Variants in TCOF1 observed in about 807,000 individuals in gnomAD.
TCOF1 encodes the protein treacle ribosome biogenesis factor 1, also known as treacle protein.
Under a neutral mutation model 149.0 loss-of-function variants are expected in TCOF1, and 33 were observed. The ratio of observed to expected loss-of-function variants is 0.22; its 90% CI spans 0.17 to 0.30. The LOEUF (loss-of-function observed/expected upper bound fraction) is 0.30, where lower values mean the gene tolerates loss of function less well. TCOF1 is among the 10% of genes least tolerant of loss of function. The probability of loss-of-function intolerance (pLI) is 1.00; values close to 1 mark genes in which losing one functional copy is unlikely to be tolerated. For synonymous variants in TCOF1, 789 were observed against 738.8 expected (o/e 1.07, Z -1.10); for missense variants, 1,728 against 1,840.7 (o/e 0.94, Z 1.12).
In TCOF1 at chr5:150,374,180, G is replaced by T; in HGVS notation, c.877G>T (p.Ala293Ser). ...APAGTRSQVK[A>S]SEKILQVRAA... ...GCCCTTTCTTTTTCACCAGGTAAAGGCCTCTGAAAAAATTCTCCAGGTCAG... is the reference window on the plus strand; with the variant it reads ...GCCCTTTCTTTTTCACCAGGTAAAGTCCTCTGAAAAAATTCTCCAGGTCAG... The change falls in exon 8 of 27, where the codon GCC becomes TCC. Residue 293 changes from alanine (A) to serine (S), a missense_variant. Physicochemically the swap from Ala to Ser is moderately conservative, Grantham distance 99. This residue lies in a region of TCOF1 where 1,696 missense variants were observed against 1,765.4 expected (regional missense o/e 0.96). Transcript: ENST00000643257. 6.2e-7 allele frequency: 1 copy of T among 1,611,726 alleles called. No individual in the cohort carries two copies. Among genetic ancestry groups the T allele is most frequent in the Non-Finnish European group, 8.5e-7 (1 of 1,179,284 alleles).
At chr5:150,383,701 TC>T (rs1765697786) in intron 17 of TCOF1, 2 of 1,548,998 alleles carry the variant, frequency 1.3e-6, no homozygotes, top group Middle Eastern at 1.7e-4. Context: ...CAAACGCTGG[TC>T]CCCTGGCTCC....
chr5:150,387,818 G>A, intron 17 of TCOF1, 84 bp from the exon 18 acceptor site: 1 of 1,594,296 alleles, frequency 6.3e-7, no homozygotes, highest in Non-Finnish European at 8.6e-7. Context: ...CCTTTGCCTT[G>A]TAAAACACTC....
intron 17 of TCOF1, among the ~76,000 whole-genome samples, chr5:150,386,982 C>T (rs577173493): frequency 1.3e-5 from 2 of 152,334 alleles, no homozygotes; most frequent in East Asian, 3.9e-4. Context: ...AGAACCCCCA[C>T]GTACCATCCC....
rs1453807591 is a variant in TCOF1, at chr5:150,375,469, A to G, written c.1619A>G (p.Lys540Arg). The change falls in exon 11 of 27, where the codon AAG (lysine) becomes AGG (arginine). Residue 540 changes from lysine (K) to arginine (R), a missense_variant. Transcript: ENST00000643257. Reference sequence around the variant, plus strand: ...GCAACCCCCTCAGCCCAGGTGGGGAAGTGGGAGGAGGACTCAGAGAGCAGT... The same window carrying G: ...GCAACCCCCTCAGCCCAGGTGGGGAGGTGGGAGGAGGACTCAGAGAGCAGT... ...GPATPSAQVG[K>R]WEEDSESSSE... The G allele has an allele frequency of 1.2e-6, 2 of 1,614,028 alleles. No individual in the cohort carries two copies. Among genetic ancestry groups the G allele is most frequent in the Admixed American group, 3.3e-5 (2 of 60,004 alleles).
intron 17 of TCOF1, chr5:150,380,144 G>T: frequency 1.3e-5 from 3 of 235,006 alleles, no homozygotes; most frequent in Non-Finnish European, 1.7e-5. Flanking sequence ...AGAAAGGAAG[G>T]CCAGGTTAAG....
At chr5:150,392,502 G>A in intron 21 of TCOF1, 1 of 620,474 alleles carries the variant, frequency 1.6e-6, no homozygotes, top group Non-Finnish European at 2.9e-6. Context: ...TAAGGCTTTG[G>A]CATTCAAATG....
At chr5:150,358,195 C>T (rs1046011751) in intron 1 of TCOF1, among the ~76,000 whole-genome samples, 2 of 151,996 alleles carry the variant, frequency 1.3e-5, no homozygotes, top group Non-Finnish European at 2.9e-5. Context: ...CTAGGCTCTG[C>T]GCGGCCCCCC....
At position 150,376,547 on chromosome 5, in the gene TCOF1, C is replaced by T; in HGVS notation, c.2267C>T (p.Ala756Val). ...GGGCCTACAGTCACCCAGGTGAAAGCTGAAAAGCAGGAAGACTCTGAGAGC... is the reference window on the plus strand; with the variant it reads ...GGGCCTACAGTCACCCAGGTGAAAGTTGAAAAGCAGGAAGACTCTGAGAGC... ...KTGPTVTQVK[A>V]EKQEDSESSE... Residue 756 changes from alanine to valine, a missense_variant, in exon 14 of 27, where the codon GCT becomes GTT. Physicochemically the swap from Ala to Val is moderately conservative, Grantham distance 64 (BLOSUM62 0). This residue lies in a region of TCOF1 where 1,696 missense variants were observed against 1,765.4 expected (regional missense o/e 0.96). Coordinates refer to ENST00000643257, the MANE Select transcript of TCOF1 (RefSeq NM_001371623.1). 1 of 1,606,700 alleles carries T rather than the reference C, an allele frequency of 6.2e-7. No homozygotes were observed.
intron 14 of TCOF1, 25 bp from the exon 15 acceptor site, chr5:150,378,880 C>G: frequency 6.2e-7 from 1 of 1,613,986 alleles, no homozygotes; most frequent in South Asian, 1.1e-5. Flanking sequence ...CCTTCTCCCT[C>G]CTTAATTCCC....
In TCOF1 at chr5:150,398,221, C is replaced by T. The variant is rs528492798; in HGVS notation, c.4346-133C>T. On this transcript the variant is annotated intron_variant, in intron 24 of 26. Coordinates refer to ENST00000643257, the MANE Select transcript of TCOF1 (RefSeq NM_001371623.1). ...GCAGGAATGAACCTCCACGCCCCGC[C>T]CTGCTGGCCTGTTGTGATGGCTTCT... 9 of 1,559,676 alleles carry T rather than the reference C, an allele frequency of 5.8e-6. No individual in the cohort carries two copies. In the East Asian group the frequency reaches 6.8e-5, roughly 12 times the overall value.
intron 22 of TCOF1, 104 bp downstream of exon 22, chr5:150,392,894 T>G (rs1767735241): frequency 7.3e-7 from 1 of 1,378,766 alleles, no homozygotes; most frequent in Non-Finnish European, 1.0e-6. Context: ...GGGTCCCCTC[T>G]CTTCACAGAG....
chr5:150,368,016 G>T, intron 4 of TCOF1, 99 bp downstream of exon 4: 2 of 1,333,328 alleles, frequency 1.5e-6, no homozygotes, highest in Non-Finnish European at 2.1e-6. Context: ...GTGAGTAATT[G>T]CCCCACCTGG....
At chr5:150,385,001 T>C (rs899697361) in intron 17 of TCOF1, 1 of 985,304 alleles carries the variant, frequency 1.0e-6, no homozygotes, top group Non-Finnish European at 1.2e-6. Flanking sequence ...CGCCCTGTTG[T>C]GCAGAGTAGA....
intron 23 of TCOF1, among the ~76,000 whole-genome samples, chr5:150,395,740 C>A (rs997445315): frequency 6.6e-6 from 1 of 152,098 alleles, no homozygotes; most frequent in Admixed American, 6.5e-5. Flanking sequence ...TGTGGGTAAT[C>A]ATCAGTTGAA....
intron 17 of TCOF1, chr5:150,385,214 C>A: frequency 1.9e-6 from 1 of 525,936 alleles, no homozygotes; most frequent in Non-Finnish European, 2.4e-6. Flanking sequence ...TTGTCAAAGA[C>A]GTAGGCCCTG....
chr5:150,376,172 G>C lies in TCOF1; in HGVS notation c.1984G>C (p.Gly662Arg). Residue 662 changes from glycine (G) to arginine (R), a missense_variant, in exon 13 of 27, where the codon GGC becomes CGC. This residue lies in a region of TCOF1 where 1,696 missense variants were observed against 1,765.4 expected (regional missense o/e 0.96). Coordinates refer to ENST00000643257, the MANE Select transcript of TCOF1 (RefSeq NM_001371623.1). ...TGCCAAGGTCGCCCCTGTGCGAGTG[G>C]GCACCCAAGCCCCCCGGAAAGCAGG... ...ASAKVAPVRV[G>R]TQAPRKAGTA... 1 of 1,614,172 alleles carries C rather than the reference G, an allele frequency of 6.2e-7. No homozygotes were observed. Among genetic ancestry groups the C allele is most frequent in the South Asian group, 1.1e-5 (1 of 91,082 alleles).
At chr5:150,398,501 G>T in intron 25 of TCOF1, 50 bp downstream of exon 25, 1 of 1,612,968 alleles carries the variant, frequency 6.2e-7, no homozygotes, top group Non-Finnish European at 8.5e-7. Context: ...CCAAACCCAA[G>T]CCCCCTCCTA....
At chr5:150,367,030 G>A (rs1047777099) in intron 3 of TCOF1, among the ~76,000 whole-genome samples, 4 of 151,922 alleles carry the variant, frequency 2.6e-5, no homozygotes, top group African/African-American at 7.2e-5. Flanking sequence ...GAGAAGCTGG[G>A]TGCGGTGGCT....
intron 18 of TCOF1, among the ~76,000 whole-genome samples, chr5:150,388,801 G>A (rs1025570389): frequency 2.0e-5 from 3 of 151,484 alleles, no homozygotes; most frequent in African/African-American, 7.3e-5. Flanking sequence ...TAGCCTGGCG[G>A]GCGCCTGTAA....
Sources: gnomAD v4.1 joint callset for allele counts (sites outside exome capture counted in the v4.1 genomes callset) on GRCh38, gnomAD v4.1.1 for gene constraint, gnomAD v4.1.1 regional missense constraint, MANE v1.5 for transcripts, NCBI Gene and HGNC (gene_info 2026-07-23, HGNC 2026-07-21) for gene names.